SH3PXD2A: variants seen among roughly 807,000 people sequenced by gnomAD.
SH3PXD2A encodes the protein SH3 and PX domain-containing protein 2A.
In SH3PXD2A, 32 loss-of-function variants were observed where a neutral mutation model predicts 115.2. The ratio of observed to expected loss-of-function variants is 0.28; its 90% CI spans 0.21 to 0.37. The LOEUF (loss-of-function observed/expected upper bound fraction) is 0.37, where lower values mean the gene tolerates loss of function less well. Ranked by LOEUF, SH3PXD2A falls within the 10% of genes least tolerant of loss-of-function variation. The probability of loss-of-function intolerance (pLI) is 1.00; values close to 1 mark genes in which losing one functional copy is unlikely to be tolerated. For missense variants in SH3PXD2A, 1,328 were observed against 1,498.7 expected (o/e 0.89, Z 1.88); for synonymous variants, 610 against 629.1 (o/e 0.97, Z 0.45).
chr10:103,755,954 A>G (rs540973343), intron 3 of SH3PXD2A, among the ~76,000 whole-genome samples: 112 of 152,198 alleles, frequency 7.4e-4, no homozygotes, highest in African/African-American at 2.6e-3. Context: ...CAGGTAGAGA[A>G]AGGCGAGGCT....
rs542408082 is a variant in SH3PXD2A, at chr10:103,716,554, G to A, written c.398+7716C>T. ...TGGCTTCAGCAGGAAGAAACAAGCCGAAGGGATAAGCCCAGGGTGAGAGCA... is the reference window on the plus strand; with the variant it reads ...TGGCTTCAGCAGGAAGAAACAAGCCAAAGGGATAAGCCCAGGGTGAGAGCA... On this transcript the variant is annotated intron_variant, in intron 5 of 14. Coordinates refer to ENST00000369774, the MANE Select transcript of SH3PXD2A (RefSeq NM_001394015.1). Among the ~76,000 whole-genome samples the A allele has an allele frequency of 1.3e-3, 205 of 152,340 alleles. 1 individual carries two copies. Among genetic ancestry groups the A allele is most frequent in the African/African-American group, 4.5e-3 (186 of 41,586 alleles).
At chr10:103,747,943 C>G (rs1340393227) in intron 3 of SH3PXD2A, among the ~76,000 whole-genome samples, 1 of 152,178 alleles carries the variant, frequency 6.6e-6, no homozygotes, top group Non-Finnish European at 1.5e-5. Flanking sequence ...AACCACCGCG[C>G]CTGTCCCAAA....
chr10:103,693,785 G>C (rs1287009964), intron 5 of SH3PXD2A, among the ~76,000 whole-genome samples: 1 of 152,294 alleles, frequency 6.6e-6, no homozygotes, highest in African/African-American at 2.4e-5. Flanking sequence ...CGGGTAGTGG[G>C]GGGGACAGAG....
chr10:103,728,900 T>TG (rs2038279441), intron 4 of SH3PXD2A, among the ~76,000 whole-genome samples: 7 of 146,914 alleles, frequency 4.8e-5, no homozygotes, highest in African/African-American at 1.9e-4. Flanking sequence ...TTTGTTTGTT[T>TG]TTTTTTTTTT....
At chr10:103,656,097 C>T (rs910974353) in intron 8 of SH3PXD2A, among the ~76,000 whole-genome samples, 5 of 152,178 alleles carry the variant, frequency 3.3e-5, no homozygotes, top group Admixed American at 6.5e-5. Context: ...AGATCTTAAA[C>T]CCCGTACTGG....
At chr10:103,605,943 CA>C (rs1440113445) in intron 13 of SH3PXD2A, 26 bp from the exon 14 acceptor site, 2 of 1,611,396 alleles carry the variant, frequency 1.2e-6, no homozygotes, top group Non-Finnish European at 1.7e-6. Context: ...ACACAGTGGG[CA>C]AAACCCGCCT....
intron 3 of SH3PXD2A, among the ~76,000 whole-genome samples, chr10:103,752,630 G>A (rs1358131707): frequency 1.3e-5 from 2 of 152,228 alleles, no homozygotes; most frequent in East Asian, 1.9e-4. Flanking sequence ...GAATGAATAA[G>A]TAAAACCCTG....
chr10:103,603,616 G>A lies in SH3PXD2A; in HGVS notation c.1602C>T (p.Ala534=), dbSNP rs988738604. Residue 534 remains alanine (A), a synonymous_variant, in exon 15 of 15, where the codon GCC becomes GCT. Coordinates refer to ENST00000369774, the MANE Select transcript of SH3PXD2A (RefSeq NM_001394015.1). ...CACTGGCCCCCGTAGGGCCCTCCTC[G>A]GCCTCCTTGGGCTTGCTGGGGGGTG... ...PPAPPSKPKE[A]EEGPTGASES... 27 of 1,603,352 alleles carry A rather than the reference G, an allele frequency of 1.7e-5. No individual in the cohort carries two copies. Among genetic ancestry groups the A allele is most frequent in the Middle Eastern group, 3.3e-4 (2 of 6,020 alleles).
At chr10:103,752,155 G>C (rs1251739193) in intron 3 of SH3PXD2A, among the ~76,000 whole-genome samples, 1 of 152,192 alleles carries the variant, frequency 6.6e-6, no homozygotes, top group Non-Finnish European at 1.5e-5. Flanking sequence ...GGACAAGGGG[G>C]CTTTCTCTGC....
intron 5 of SH3PXD2A, among the ~76,000 whole-genome samples, chr10:103,708,137 A>G (rs923799): frequency 0.49 from 74,389 of 152,008 alleles, 18,717 homozygotes; most frequent in African/African-American, 0.61. Context: ...GCTCTTCTGG[A>G]ACAAGGGACA....
chr10:103,653,634 A>G (rs2037163943), intron 8 of SH3PXD2A, among the ~76,000 whole-genome samples: 1 of 152,226 alleles, frequency 6.6e-6, no homozygotes, highest in Non-Finnish European at 1.5e-5. Flanking sequence ...GGGTGACAGC[A>G]TGGTGGAGGG....
At chr10:103,634,235 T>A (rs1231750095) in intron 8 of SH3PXD2A, among the ~76,000 whole-genome samples, 1 of 152,096 alleles carries the variant, frequency 6.6e-6, no homozygotes, top group Non-Finnish European at 1.5e-5. Context: ...ATGCCTCCAG[T>A]GGAGAAGAGA....
chr10:103,714,508 C>T (rs766566214), intron 5 of SH3PXD2A, among the ~76,000 whole-genome samples: 2 of 152,204 alleles, frequency 1.3e-5, no homozygotes, highest in South Asian at 2.1e-4. Context: ...CCCTCCAGCT[C>T]GCCGACCCAG....
chr10:103,711,926 T>C (rs1039463840), intron 5 of SH3PXD2A, among the ~76,000 whole-genome samples: 14 of 151,768 alleles, frequency 9.2e-5, no homozygotes, highest in Non-Finnish European at 1.9e-4. Flanking sequence ...CCTGCCATGG[T>C]GGTGTGTGCC....
intron 10 of SH3PXD2A, among the ~76,000 whole-genome samples, chr10:103,621,015 T>C (rs1440450244): frequency 6.6e-6 from 1 of 152,178 alleles, no homozygotes; most frequent in Non-Finnish European, 1.5e-5. Flanking sequence ...GCACGGTGTA[T>C]GCGTGGCTGC....
rs1482532706 is a variant in SH3PXD2A, at chr10:103,597,125, T to C, written c.*4691A>G. The C allele has an allele frequency of 2.0e-5, 3 of 152,668 alleles. No individual in the cohort carries two copies. Among genetic ancestry groups the C allele is most frequent in the Non-Finnish European group, 2.9e-5 (2 of 68,074 alleles). The allele number at this position is 152,668 out of a possible 1,614,324, so 9.5% of individuals were successfully genotyped here. ...CGGAGCAGAATTTGTATGGACTCTC[T>C]GGGTGTGGAGCCCAGGCAGGGCTCA... On this transcript the variant is annotated 3_prime_UTR_variant, in exon 15 of 15. Transcript: ENST00000369774.
rs987736092 is a variant in SH3PXD2A, at chr10:103,756,204, C to T, written c.229+10890G>A. On this transcript the variant is annotated intron_variant, in intron 3 of 14. Coordinates refer to ENST00000369774, the MANE Select transcript of SH3PXD2A (RefSeq NM_001394015.1). This position sits in a 1 kb window ranked among gnomAD's most constrained non-coding sequence, Gnocchi z 4.4. Reference sequence around the variant, plus strand: ...ATGGATCTGCTGGGTGCCAGGCAGCCCTGGATGAATGATACATCAGTTCAC... The same window carrying T: ...ATGGATCTGCTGGGTGCCAGGCAGCTCTGGATGAATGATACATCAGTTCAC... Among the ~76,000 whole-genome samples, 1 of 152,080 alleles carries T rather than the reference C, an allele frequency of 6.6e-6. No homozygotes were observed. The highest frequency in any genetic ancestry group is 2.4e-5 in the African/African-American group (1 of 41,418).
intron 5 of SH3PXD2A, among the ~76,000 whole-genome samples, chr10:103,700,967 T>C (rs1455854546): frequency 6.8e-6 from 1 of 146,658 alleles, no homozygotes; most frequent in African/African-American, 2.5e-5. Flanking sequence ...CATCCATCCA[T>C]CCACCATCCA....
chr10:103,834,208 G>A (rs1289222938), intron 1 of SH3PXD2A, among the ~76,000 whole-genome samples: 1 of 152,226 alleles, frequency 6.6e-6, no homozygotes, highest in Non-Finnish European at 1.5e-5. Context: ...CCCTGCAAGG[G>A]CCATGGGGAG....
Sources: gnomAD v4.1 joint callset for allele counts (sites outside exome capture counted in the v4.1 genomes callset) on GRCh38, gnomAD v4.1.1 for gene constraint, Gnocchi (gnomAD v3.1) non-coding constraint, MANE v1.5 for transcripts, NCBI Gene and HGNC (gene_info 2026-07-23, HGNC 2026-07-21) for gene names.